The following TNIP3 variants were observed in gnomAD, a reference collection of about 807,000 sequenced individuals.
TNIP3 encodes the protein TNFAIP3 interacting protein 3, also known as TNFAIP3-interacting protein 3.
In TNIP3, 34 loss-of-function variants were observed where a neutral mutation model predicts 54.1. The ratio of observed to expected loss-of-function variants is 0.63; its 90% CI spans 0.48 to 0.84. TNIP3 has a LOEUF of 0.84. Among genes scored for constraint, TNIP3 ranks in the 40% least tolerant of loss-of-function variants. The pLI, the probability that TNIP3 is intolerant of heterozygous loss-of-function variation, is 0.00. For synonymous variants in TNIP3, 134 were observed against 136.8 expected (o/e 0.98, Z 0.14); for missense variants, 366 against 387.6 (o/e 0.94, Z 0.47).
intron 3 of TNIP3, among the ~76,000 whole-genome samples, chr4:121,176,375 T>G (rs559998562): frequency 1.3e-5 from 2 of 152,236 alleles, no homozygotes; most frequent in South Asian, 4.1e-4. Context: ...CTTTTTTTTT[T>G]CTAGCAGAAA....
intron 9 of TNIP3, among the ~76,000 whole-genome samples, chr4:121,139,333 C>T (rs531933300): frequency 5.9e-5 from 9 of 152,236 alleles, no homozygotes; most frequent in Non-Finnish European, 1.0e-4. Flanking sequence ...TATTGAATGT[C>T]GAACAAATTG....
chr4:121,166,445 G>C (rs1730771647), upstream of TNIP3, among the ~76,000 whole-genome samples: 1 of 152,186 alleles, frequency 6.6e-6, no homozygotes, highest in Admixed American at 6.5e-5. Context: ...TATTTTAAGA[G>C]TCTGGCTTTT....
chr4:121,145,213 C>T (rs1014213939), intron 7 of TNIP3, among the ~76,000 whole-genome samples: 3 of 152,158 alleles, frequency 2.0e-5, no homozygotes, highest in Non-Finnish European at 2.9e-5. Flanking sequence ...ATTTAATCTG[C>T]TGTTAACACA....
chr4:121,176,751 A>G (rs1476577897), intron 3 of TNIP3, among the ~76,000 whole-genome samples: 3 of 152,062 alleles, frequency 2.0e-5, no homozygotes, highest in Non-Finnish European at 4.4e-5. Flanking sequence ...ACATGTGTCA[A>G]TTTACGGTAG....
intron 9 of TNIP3, among the ~76,000 whole-genome samples, chr4:121,140,797 C>G (rs558992378): frequency 6.6e-6 from 1 of 152,212 alleles, no homozygotes; most frequent in South Asian, 2.1e-4. Context: ...GGAGAGCAGA[C>G]AGAACTAGCA....
At chr4:121,212,035 A>C (rs1312579781) in intron 2 of TNIP3, among the ~76,000 whole-genome samples, 1 of 152,212 alleles carries the variant, frequency 6.6e-6, no homozygotes, top group Non-Finnish European at 1.5e-5. Flanking sequence ...TCTTGGGAAA[A>C]TTCTAATTTG....
intron 6 of TNIP3, among the ~76,000 whole-genome samples, chr4:121,148,576 G>A (rs1278601815): frequency 2.0e-5 from 3 of 152,172 alleles, no homozygotes; most frequent in African/African-American, 4.8e-5. Context: ...GTTTGACAGA[G>A]CTTTAAGACT....
intron 3 of TNIP3, among the ~76,000 whole-genome samples, chr4:121,171,718 C>G (rs1723954653): frequency 6.6e-6 from 1 of 151,934 alleles, no homozygotes; most frequent in South Asian, 2.1e-4. Flanking sequence ...GCCCTACTCC[C>G]CTACTTTTTG....
At chr4:121,156,917 A>T (rs141660160) in intron 4 of TNIP3, among the ~76,000 whole-genome samples, 177 bp downstream of exon 4, 2 of 152,150 alleles carry the variant, frequency 1.3e-5, no homozygotes, top group Non-Finnish European at 2.9e-5. Flanking sequence ...CTTATTCTAG[A>T]GAAGTGACCC....
intron 5 of TNIP3, among the ~76,000 whole-genome samples, chr4:121,151,510 T>A (rs1729755117): frequency 6.6e-6 from 1 of 152,156 alleles, no homozygotes; most frequent in Non-Finnish European, 1.5e-5. Flanking sequence ...TCAGGGAGAA[T>A]TTAAAGAAGC....
intron 10 of TNIP3, among the ~76,000 whole-genome samples, chr4:121,137,019 C>T (rs531503121): frequency 2.4e-4 from 36 of 152,210 alleles, no homozygotes; most frequent in African/African-American, 8.2e-4. Context: ...ACACTGACTA[C>T]AACATTTCAT....
chr4:121,221,160 T>C (rs1399110120), upstream of TNIP3, among the ~76,000 whole-genome samples: 1 of 152,206 alleles, frequency 6.6e-6, no homozygotes, highest in Non-Finnish European at 1.5e-5. Context: ...CTTGCTATTA[T>C]TGGTAAGAAA....
chr4:121,205,189 TG>T (rs1726113144), intron 2 of TNIP3, among the ~76,000 whole-genome samples: 1 of 152,000 alleles, frequency 6.6e-6, no homozygotes, highest in South Asian at 2.1e-4. Context: ...TGATCAAAGG[TG>T]GGACTTATTG....
At chr4:121,173,346 C>G (rs1272326212) in intron 3 of TNIP3, among the ~76,000 whole-genome samples, 1 of 152,080 alleles carries the variant, frequency 6.6e-6, no homozygotes, top group Non-Finnish European at 1.5e-5. Context: ...CCATGGCATG[C>G]CTAGAGATTA....
At chr4:121,194,429 A>C (rs1475887175) in intron 2 of TNIP3, among the ~76,000 whole-genome samples, 4 of 152,218 alleles carry the variant, frequency 2.6e-5, no homozygotes, top group Non-Finnish European at 5.9e-5. Flanking sequence ...TAAAAATGAA[A>C]TTAGCATTTC....
chr4:121,146,904 A>T lies in TNIP3; in HGVS notation c.735+145T>A, dbSNP rs111627896. ...CCAGTCATTTTCATCTCTTTACAAG[A>T]TTGTTTAAGAATGACTTCATCCCAG... On this transcript the variant is annotated intron_variant, in intron 7 of 10. Transcript: ENST00000057513. The T allele has an allele frequency of 1.3e-3, 996 of 779,410 alleles. 5 individuals carry two copies. The African/African-American group carries it at 0.016, about 13-fold the overall frequency. The allele number at this position is 779,410 out of a possible 1,614,324, so 48.3% of individuals were successfully genotyped here.
chr4:121,132,884 G>A (rs958175978), intron 10 of TNIP3, among the ~76,000 whole-genome samples: 1 of 152,022 alleles, frequency 6.6e-6, no homozygotes, highest in African/African-American at 2.4e-5. Flanking sequence ...GAAATAAGTT[G>A]TGGCCTCGTT....
intron 10 of TNIP3, chr4:121,137,714 T>C (rs1039002158): frequency 6.2e-6 from 2 of 320,292 alleles, no homozygotes; most frequent in Non-Finnish European, 1.2e-5. Flanking sequence ...TATTAAAAAC[T>C]AGATTTCTGT....
intron 2 of TNIP3, 31 bp downstream of exon 2, chr4:121,161,105 C>A: frequency 6.7e-7 from 1 of 1,481,694 alleles, no homozygotes; most frequent in Non-Finnish European, 9.3e-7. Context: ...ATCCATGGCA[C>A]CTGTGGCTTT....
Sources: allele counts gnomAD v4.1 joint callset (sites outside exome capture counted in the v4.1 genomes callset), GRCh38; gene constraint gnomAD v4.1.1; transcripts MANE v1.5; gene names NCBI Gene and HGNC (gene_info 2026-07-23, HGNC 2026-07-21).